The following CSMD1 variants were observed in gnomAD, a reference collection of about 807,000 sequenced individuals.
CSMD1 encodes the protein CUB and sushi domain-containing protein 1.
Under a neutral mutation model 417.5 loss-of-function variants are expected in CSMD1, and 213 were observed. The observed-to-expected ratio is 0.51, with a 90% CI of 0.46 to 0.57. The LOEUF is 0.57. Ranked by LOEUF, CSMD1 falls within the 20% of genes least tolerant of loss-of-function variation. The pLI is 0.00. For synonymous variants in CSMD1, 2,862 were observed against 1,736.8 expected (o/e 1.65, Z -16.11); for missense variants, 6,923 against 4,529.7 (o/e 1.53, Z -15.17).
chr8:4,614,763 T>A (rs578112001), intron 2 of CSMD1, among the ~76,000 whole-genome samples: 1 of 152,258 alleles, frequency 6.6e-6, no homozygotes, highest in Admixed American at 6.5e-5. Flanking sequence ...CCTGAGATAA[T>A]AATTTAGACT....
intron 3 of CSMD1, among the ~76,000 whole-genome samples, chr8:4,100,115 G>A (rs991216806): frequency 3.9e-5 from 6 of 152,000 alleles, no homozygotes; most frequent in African/African-American, 1.2e-4. Flanking sequence ...TTCTGACTCC[G>A]GGGAAATTAC....
At chr8:3,789,441 T>C (rs1563081273) in intron 5 of CSMD1, among the ~76,000 whole-genome samples, 1 of 54,678 alleles carries the variant, frequency 1.8e-5, no homozygotes, top group Non-Finnish European at 3.6e-5. Flanking sequence ...TTTTTTTAAG[T>C]GTTTTTTTTT....
At chr8:4,771,860 G>C (rs967128146) in intron 1 of CSMD1, among the ~76,000 whole-genome samples, 19 of 152,234 alleles carry the variant, frequency 1.2e-4, no homozygotes, top group African/African-American at 4.1e-4. Flanking sequence ...ATCCACGAGG[G>C]AGTCTGTGCT....
intron 1 of CSMD1, among the ~76,000 whole-genome samples, chr8:4,987,122 C>T (rs912416320): frequency 9.2e-5 from 14 of 152,256 alleles, no homozygotes; most frequent in African/African-American, 1.2e-4. Context: ...AGTGAGATTA[C>T]GTGTATTCTC....
intron 3 of CSMD1, among the ~76,000 whole-genome samples, chr8:4,219,173 C>A (rs1178885424): frequency 6.6e-6 from 1 of 152,192 alleles, no homozygotes; most frequent in Non-Finnish European, 1.5e-5. Flanking sequence ...GTTCCCATCT[C>A]CCCTCCCGTG....
intron 5 of CSMD1, among the ~76,000 whole-genome samples, chr8:3,776,550 C>G (rs1323745191): frequency 6.6e-6 from 1 of 152,110 alleles, no homozygotes; most frequent in Non-Finnish European, 1.5e-5. Flanking sequence ...GCATAGAATG[C>G]CAGATATTCT....
intron 10 of CSMD1, among the ~76,000 whole-genome samples, chr8:3,556,392 A>AATATATATATATATATATATATATAT (rs367650533): frequency 6.3e-4 from 76 of 120,402 alleles, no homozygotes; most frequent in African/African-American, 2.1e-3. Flanking sequence ...TATAATAATT[A>AATATATATATATATATATATATATAT]ATATATATAT....
intron 1 of CSMD1, chr8:4,788,480 T>C: frequency 3.8e-6 from 5 of 1,324,954 alleles, no homozygotes; most frequent in South Asian, 1.2e-5. Flanking sequence ...TGCTCAGATA[T>C]TTGGGGTAGA....
intron 3 of CSMD1, among the ~76,000 whole-genome samples, chr8:4,381,434 A>C (rs1584987196): frequency 6.6e-6 from 1 of 152,120 alleles, no homozygotes; most frequent in East Asian, 1.9e-4. Context: ...ACCCATTGAA[A>C]AGGGGGTGGG....
chr8:3,088,363 C>A (rs1020110658), intron 48 of CSMD1, among the ~76,000 whole-genome samples: 1 of 152,214 alleles, frequency 6.6e-6, no homozygotes, highest in East Asian at 1.9e-4. Flanking sequence ...TCCTTAAGAA[C>A]TGGGAATTCT....
chr8:4,379,925 C>A (rs960838669), intron 3 of CSMD1, among the ~76,000 whole-genome samples: 10 of 152,150 alleles, frequency 6.6e-5, no homozygotes, highest in Non-Finnish European at 1.5e-4. Flanking sequence ...TCCATGAGCG[C>A]GGCCAGCATA....
At chr8:3,354,393 G>T (rs552223015) in intron 21 of CSMD1, among the ~76,000 whole-genome samples, 20 of 152,248 alleles carry the variant, frequency 1.3e-4, no homozygotes, top group African/African-American at 4.8e-4. Flanking sequence ...TTAATATGCA[G>T]ATCTCTATGT....
At chr8:2,991,332 C>T (rs1806366226) in intron 54 of CSMD1, among the ~76,000 whole-genome samples, 1 of 152,170 alleles carries the variant, frequency 6.6e-6, no homozygotes, top group Non-Finnish European at 1.5e-5. Flanking sequence ...GACTAAAACA[C>T]ACTAAATATA....
intron 3 of CSMD1, among the ~76,000 whole-genome samples, chr8:4,289,811 G>A (rs1797262483): frequency 6.6e-6 from 1 of 152,178 alleles, no homozygotes; most frequent in Non-Finnish European, 1.5e-5. Context: ...TGTCTGCCAT[G>A]TGTTCACAAA....
intron 5 of CSMD1, among the ~76,000 whole-genome samples, chr8:3,940,938 T>C (rs933073131): frequency 9.9e-5 from 15 of 151,904 alleles, no homozygotes; most frequent in African/African-American, 2.7e-4. Flanking sequence ...TATTTGTCCA[T>C]ATTTTACATA....
chr8:4,011,838 G>T (rs1480719342), intron 4 of CSMD1, among the ~76,000 whole-genome samples: 1 of 151,962 alleles, frequency 6.6e-6, no homozygotes, highest in Non-Finnish European at 1.5e-5. Flanking sequence ...GTCATCTTTG[G>T]TATCCATTGG....
chr8:4,184,436 C>G (rs1798550578), intron 3 of CSMD1, among the ~76,000 whole-genome samples: 1 of 152,104 alleles, frequency 6.6e-6, no homozygotes. Context: ...GCACTATTCA[C>G]AATATCAAAG....
chr8:4,400,826 G>A (rs1418793370), intron 3 of CSMD1, among the ~76,000 whole-genome samples: 1 of 151,028 alleles, frequency 6.6e-6, no homozygotes, highest in African/African-American at 2.4e-5. Flanking sequence ...GATTATTAGG[G>A]CATTTGAAGA....
intron 3 of CSMD1, among the ~76,000 whole-genome samples, chr8:4,307,650 A>C (rs753211231): frequency 6.6e-5 from 10 of 152,126 alleles, no homozygotes; most frequent in Non-Finnish European, 1.3e-4. Flanking sequence ...CTCAAGGACG[A>C]TGGGAAATGG....
Sources: allele counts gnomAD v4.1 joint callset (sites outside exome capture counted in the v4.1 genomes callset), GRCh38; gene constraint gnomAD v4.1.1; transcripts MANE v1.5; gene names NCBI Gene and HGNC (gene_info 2026-07-23, HGNC 2026-07-21).